The following TATDN2 variants were observed in gnomAD, a reference collection of about 807,000 sequenced individuals.
The protein encoded by TATDN2 is TatD DNase domain containing 2, also known as 3'-5' RNA nuclease TATDN2.
TATDN2 carries 44 observed loss-of-function variants against 60.3 expected under a neutral mutation model. The ratio of observed to expected loss-of-function variants is 0.73; its 90% CI spans 0.57 to 0.94. The LOEUF is 0.94. TATDN2 is among the 40% of genes least tolerant of loss of function. TATDN2 has a pLI of 0.00. For synonymous variants in TATDN2, 399 were observed against 355.8 expected (o/e 1.12, Z -1.37); for missense variants, 997 against 948.0 (o/e 1.05, Z -0.68).
chr3:10,274,530 G>T (rs1698772853), intron 4 of TATDN2, among the ~76,000 whole-genome samples: 2 of 152,128 alleles, frequency 1.3e-5, no homozygotes, highest in Non-Finnish European at 2.9e-5. Context: ...TCACTACTCT[G>T]AGGGATAATT....
rs1322711310 is a variant in TATDN2 at position 10,270,434 on chromosome 3, G to A, written c.1252G>A (p.Asp418Asn). Reference sequence around the variant, plus strand: ...GAAGAGCAGCCGGAGCCGCATGAGTGATTATTCCCCCAACTCTACAGGGAG... The same window carrying A: ...GAAGAGCAGCCGGAGCCGCATGAGTAATTATTCCCCCAACTCTACAGGGAG... ...VGKSSRSRMS[D>N]YSPNSTGSVQ... Residue 418 changes from aspartate to asparagine, a missense_variant, in exon 4 of 8, where the codon GAT (aspartate) becomes AAT (asparagine). By Grantham distance (23) the Asp-to-Asn change is conservative. Coordinates refer to ENST00000448281, the MANE Select transcript of TATDN2 (RefSeq NM_014760.4). 6.2e-7 allele frequency: 1 copy of A among 1,614,174 alleles called. No individual in the cohort carries two copies. The highest frequency in any genetic ancestry group is 1.7e-5 in the Admixed American group (1 of 60,006).
chr3:10,266,527 C>T (rs1698476561), intron 3 of TATDN2, among the ~76,000 whole-genome samples: 1 of 152,196 alleles, frequency 6.6e-6, no homozygotes, highest in Non-Finnish European at 1.5e-5. Context: ...CCTCTTTGAA[C>T]CCCAGTTTCT....
intron 3 of TATDN2, among the ~76,000 whole-genome samples, chr3:10,264,194 C>A (rs1698446881): frequency 6.6e-6 from 1 of 152,150 alleles, no homozygotes; most frequent in African/African-American, 2.4e-5. Context: ...CTGTCCTCCT[C>A]CTTTTAATGT....
chr3:10,272,310 G>A (rs558426004), intron 4 of TATDN2, among the ~76,000 whole-genome samples: 109 of 151,956 alleles, frequency 7.2e-4, no homozygotes, highest in Middle Eastern at 3.4e-3. Flanking sequence ...GTCTTGCTGT[G>A]TCACCCAGGC....
chr3:10,275,488 C>T (rs567038044), intron 4 of TATDN2, among the ~76,000 whole-genome samples: 25 of 152,318 alleles, frequency 1.6e-4, no homozygotes, highest in African/African-American at 5.8e-4. Context: ...CGGCTCATGC[C>T]TGTAATCCCA....
intron 2 of TATDN2, among the ~76,000 whole-genome samples, chr3:10,251,974 C>G (rs1698238144): frequency 6.6e-6 from 1 of 151,270 alleles, no homozygotes; most frequent in East Asian, 2.0e-4. Context: ...CGGTGAAACC[C>G]TTTCTCTACT....
intron 5 of TATDN2, among the ~76,000 whole-genome samples, 160 bp downstream of exon 5, chr3:10,276,648 G>A (rs1446985353): frequency 6.6e-6 from 1 of 151,412 alleles, no homozygotes; most frequent in African/African-American, 2.4e-5. Flanking sequence ...GAGTGTAGTA[G>A]TGCAATTTCA....
At position 10,260,513 on chromosome 3, in the gene TATDN2, T is replaced by C. The variant is rs751295525; in HGVS notation, c.791T>C (p.Val264Ala). Residue 264 changes from valine (V) to alanine (A), a missense_variant, in exon 3 of 8, where the codon GTG (valine) becomes GCG (alanine). Physicochemically the swap from Val to Ala is moderately conservative, Grantham distance 64. Transcript: ENST00000448281. Reference protein sequence around the residue: ...PEVSMEEDKTVPERSSFYDRR... With the variant: ...PEVSMEEDKTAPERSSFYDRR... ...GTCAGCATGGAGGAGGATAAGACAG[T>C]GCCAGAGAGGAGCAGCTTCTATGAC... The C allele has an allele frequency of 2.6e-5, 42 of 1,613,854 alleles. No homozygotes were observed. Among genetic ancestry groups the C allele is most frequent in the Non-Finnish European group, 8.5e-7 (1 of 1,179,946 alleles).
At chr3:10,265,627 A>G (rs184326969) in intron 3 of TATDN2, among the ~76,000 whole-genome samples, 159 of 141,454 alleles carry the variant, frequency 1.1e-3, no homozygotes, top group African/African-American at 2.9e-3. Flanking sequence ...GCTTGCAGTG[A>G]GCTGAGATTG....
chr3:10,260,620 C>G lies in TATDN2; in HGVS notation c.898C>G (p.Pro300Ala), dbSNP rs988985353. The G allele has an allele frequency of 5.0e-6, 8 of 1,613,988 alleles. No individual in the cohort carries two copies. The Admixed American group carries it at 1.3e-4, about 27-fold the overall frequency. ...AAGGACTGTCATTGACAAATGCTCT[C>G]CACCCCTAGAGTTCTTGGATGACTC... ...DRRTVIDKCS[P>A]PLEFLDDSDS... Residue 300 changes from proline (P) to alanine (A), a missense_variant, in exon 3 of 8, where the codon CCA becomes GCA. By Grantham distance (27) the Pro-to-Ala change is conservative (BLOSUM62 -1). Transcript: ENST00000448281.
chr3:10,278,441 T>A lies in TATDN2; in HGVS notation c.2124T>A (p.Ala708=). The A allele has an allele frequency of 6.2e-7, 1 of 1,612,920 alleles. No homozygotes were observed. The highest frequency in any genetic ancestry group is 8.5e-7 in the Non-Finnish European group (1 of 1,179,150). The change falls in exon 6 of 8, where the codon GCT becomes GCA. Residue 708 remains alanine (A), a synonymous_variant. Coordinates refer to ENST00000448281, the MANE Select transcript of TATDN2 (RefSeq NM_014760.4). The surrounding 1 kb of genome is among the most constrained non-coding windows in gnomAD (Gnocchi z 4.7). Reference sequence around the variant, plus strand: ...AGAGAATCATCGTGGAAACGGATGCTCCCTATTTCCTCCCTCGCCAGGTAA... The same window carrying A: ...AGAGAATCATCGTGGAAACGGATGCACCCTATTTCCTCCCTCGCCAGGTAA... The part of the protein sequence containing the change: ...PLERIIVETD[A]PYFLPRQVPK...
At chr3:10,264,072 T>G (rs960492383) in intron 3 of TATDN2, among the ~76,000 whole-genome samples, 5 of 152,208 alleles carry the variant, frequency 3.3e-5, no homozygotes, top group African/African-American at 1.2e-4. Flanking sequence ...TCCACTGAGC[T>G]GACCAGGCCT....
At chr3:10,258,292 G>T (rs1056069181) in intron 2 of TATDN2, among the ~76,000 whole-genome samples, 25 of 150,578 alleles carry the variant, frequency 1.7e-4, no homozygotes, top group African/African-American at 6.1e-4. Context: ...TTGTTTGTTT[G>T]TTTGAGACAG....
chr3:10,271,955 C>T (rs1698572372), intron 4 of TATDN2, among the ~76,000 whole-genome samples: 1 of 152,048 alleles, frequency 6.6e-6, no homozygotes, highest in Admixed American at 6.5e-5. Flanking sequence ...TCTCGAGCTC[C>T]TGACCTCAAG....
intron 3 of TATDN2, among the ~76,000 whole-genome samples, chr3:10,267,451 C>T (rs534847420): frequency 2.6e-5 from 4 of 151,906 alleles, no homozygotes; most frequent in African/African-American, 7.3e-5. Context: ...TTAAATTTCC[C>T]TGTTTGTTTG....
chr3:10,276,758 T>G (rs1490445878), intron 5 of TATDN2, among the ~76,000 whole-genome samples: 4 of 152,190 alleles, frequency 2.6e-5, no homozygotes, highest in African/African-American at 4.8e-5. Flanking sequence ...CCAGCTAGTT[T>G]TTGTATTTTA....
chr3:10,262,685 G>A (rs370318339), intron 3 of TATDN2, among the ~76,000 whole-genome samples: 34 of 151,656 alleles, frequency 2.2e-4, no homozygotes, highest in African/African-American at 7.5e-4. Context: ...ACAGGCACAC[G>A]CCACCACACC....
intron 2 of TATDN2, among the ~76,000 whole-genome samples, chr3:10,254,934 T>C (rs1024135152): frequency 3.9e-5 from 6 of 152,126 alleles, no homozygotes; most frequent in Admixed American, 6.5e-5. Flanking sequence ...TGATCCATCT[T>C]AGGTCCTCCA....
intron 3 of TATDN2, among the ~76,000 whole-genome samples, chr3:10,262,439 C>T (rs1698419843): frequency 6.6e-6 from 1 of 151,044 alleles, no homozygotes; most frequent in East Asian, 1.9e-4. Context: ...TACCTTTAAC[C>T]TTGATTACAA....
Sources: gnomAD v4.1 joint callset for allele counts (sites outside exome capture counted in the v4.1 genomes callset) on GRCh38, gnomAD v4.1.1 for gene constraint, Gnocchi (gnomAD v3.1) non-coding constraint, MANE v1.5 for transcripts, NCBI Gene and HGNC (gene_info 2026-07-23, HGNC 2026-07-21) for gene names.